RCHY1: variants seen among roughly 807,000 people sequenced by gnomAD.
RCHY1 encodes ring finger and CHY zinc finger domain containing 1.
A neutral mutation model predicts 41.6 loss-of-function variants in RCHY1; 21 were observed. The ratio of observed to expected loss-of-function variants is 0.51; its 90% CI spans 0.36 to 0.73. The LOEUF is 0.73. RCHY1 is among the 30% of genes least tolerant of loss of function. The pLI is 0.00. For missense variants in RCHY1, 265 were observed against 325.3 expected (o/e 0.81, Z 1.43); for synonymous variants, 79 against 102.9 (o/e 0.77, Z 1.41).
chr4:75,485,131 A>T (rs1721876539), intron 8 of RCHY1, among the ~76,000 whole-genome samples: 1 of 152,218 alleles, frequency 6.6e-6, no homozygotes, highest in Admixed American at 6.5e-5. Flanking sequence ...GCCCTTAGGT[A>T]AAGCTGACTT....
chr4:75,504,162 T>C (rs1209183759), intron 3 of RCHY1, among the ~76,000 whole-genome samples: 1 of 152,158 alleles, frequency 6.6e-6, no homozygotes, highest in Non-Finnish European at 1.5e-5. Context: ...CCAGAAGTAA[T>C]TACAAGCTAG....
chr4:75,497,860 C>T (rs1210980774), intron 3 of RCHY1, among the ~76,000 whole-genome samples: 1 of 151,202 alleles, frequency 6.6e-6, no homozygotes, highest in African/African-American at 2.4e-5. Context: ...ATCTAATTAT[C>T]AAAACCAGAG....
intron 1 of RCHY1, among the ~76,000 whole-genome samples, chr4:75,510,296 C>T (rs959677389): frequency 6.6e-6 from 1 of 152,194 alleles, no homozygotes; most frequent in Admixed American, 6.5e-5. Flanking sequence ...CACCAACCTG[C>T]ATCACTCGCC....
rs1159387806 is a variant in RCHY1 at position 75,487,444 on chromosome 4, AATAT to A, written c.657+3133_657+3136del. 2.4e-4 allele frequency among the ~76,000 whole-genome samples: 33 copies of A among 139,720 alleles called. 1 individual carries two copies. The East Asian group carries it at 6.3e-3, about 27-fold the overall frequency. The allele number at this position is 139,720 out of a possible 152,430, so 91.7% of individuals were successfully genotyped here. Reference sequence around the variant, plus strand: ...TTGGCTATATAAATGACTATATATAAATATATATATAGTCATATATATATTCACA... The same window carrying A: ...TTGGCTATATAAATGACTATATATAAATATATAGTCATATATATATTCACA... On this transcript the variant is annotated intron_variant, in intron 8 of 8. Transcript: ENST00000324439.
intron 7 of RCHY1, chr4:75,491,393 G>T: frequency 2.5e-6 from 1 of 406,842 alleles, no homozygotes. Context: ...TCAAATTGTG[G>T]GAGGAGACAA....
At chr4:75,504,304 C>G (rs10026125) in intron 3 of RCHY1, among the ~76,000 whole-genome samples, 45,646 of 151,954 alleles carry the variant, frequency 0.3, 7,265 homozygotes, top group Non-Finnish European at 0.34. Flanking sequence ...GTACACAGGT[C>G]TACTTATAAG....
chr4:75,501,419 T>A (rs577123565), intron 3 of RCHY1, among the ~76,000 whole-genome samples: 1 of 152,256 alleles, frequency 6.6e-6, no homozygotes, highest in Non-Finnish European at 1.5e-5. Context: ...CAATATCTTT[T>A]GGCAGATTTT....
At chr4:75,487,892 C>CATA (rs1479975636) in intron 8 of RCHY1, among the ~76,000 whole-genome samples, 27 of 72,990 alleles carry the variant, frequency 3.7e-4, no homozygotes, top group African/African-American at 1.5e-3. Context: ...TATATATATT[C>CATA]ATATATATAT....
chr4:75,501,985 G>C (rs1723812741), intron 3 of RCHY1, among the ~76,000 whole-genome samples: 1 of 151,870 alleles, frequency 6.6e-6, no homozygotes, highest in Admixed American at 6.6e-5. Context: ...GGCTGAGGCA[G>C]GACTTGAACC....
Position 75,479,704 on chromosome 4 carries a change from G to GT in RCHY1, c.*2833dup, listed in dbSNP as rs1174626147. On this transcript the variant is annotated 3_prime_UTR_variant, in exon 9 of 9. Coordinates refer to ENST00000324439, the MANE Select transcript of RCHY1 (RefSeq NM_015436.4). Reference sequence around the variant, plus strand: ...TGAGATGCTATGCACCAAAAAATTCGTAAGGGTATTGTTATTTTACTTTTT... The same window carrying GT: ...TGAGATGCTATGCACCAAAAAATTCGTTAAGGGTATTGTTATTTTACTTTTT... 2 of 151,886 alleles carry GT rather than the reference G, an allele frequency of 1.3e-5. No homozygotes were observed. The highest frequency in any genetic ancestry group is 2.9e-5 in the Non-Finnish European group (2 of 67,944). The allele number at this position is 151,886 out of a possible 1,614,324, so 9.4% of individuals were successfully genotyped here.
chr4:75,505,057 T>A (rs550356163), intron 3 of RCHY1, among the ~76,000 whole-genome samples: 1 of 152,264 alleles, frequency 6.6e-6, no homozygotes, highest in East Asian at 1.9e-4. Flanking sequence ...GGAAGACAAT[T>A]TTTCCATGGA....
At chr4:75,493,634 A>G (rs1488296082) in intron 4 of RCHY1, among the ~76,000 whole-genome samples, 1 of 151,402 alleles carries the variant, frequency 6.6e-6, no homozygotes, top group African/African-American at 2.4e-5. Flanking sequence ...ACTTTATTAG[A>G]TTTTTTTTTA....
chr4:75,492,717 C>CA (rs1396042726), intron 4 of RCHY1, among the ~76,000 whole-genome samples: 3 of 151,562 alleles, frequency 2.0e-5, no homozygotes, highest in Non-Finnish European at 3.0e-5. Context: ...AAAACCATAA[C>CA]AAAAAAATAG....
At position 75,491,899 on chromosome 4, in the gene RCHY1, A is replaced by G; in HGVS notation, c.440T>C (p.Ile147Thr). The G allele has an allele frequency of 6.2e-7, 1 of 1,609,152 alleles. No individual in the cohort carries two copies. The highest frequency in any genetic ancestry group is 8.5e-7 in the Non-Finnish European group (1 of 1,177,992). ...IENVSRQNCPICLEDIHTSRV... is the reference protein window; with the variant it reads ...IENVSRQNCPTCLEDIHTSRV... ...ATATTTTAAGCCTACCTCCAAACAT[A>G]TTGGACAATTCTGTCGGGACACATT... The change falls in exon 5 of 9, where the codon ATA becomes ACA. Residue 147 changes from isoleucine (I) to threonine (T), a missense_variant. By Grantham distance (89) the Ile-to-Thr change is moderately conservative. Coordinates refer to ENST00000324439, the MANE Select transcript of RCHY1 (RefSeq NM_015436.4).
chr4:75,494,416 AAC>A (rs1723002508), intron 3 of RCHY1: 6 of 404,152 alleles, frequency 1.5e-5, no homozygotes, highest in Non-Finnish European at 4.4e-6. Context: ...AAAAGAGAGA[AAC>A]ACAGACACAC....
At chr4:75,486,200 G>A (rs1721985724) in intron 8 of RCHY1, among the ~76,000 whole-genome samples, 1 of 152,116 alleles carries the variant, frequency 6.6e-6, no homozygotes, top group African/African-American at 2.4e-5. Flanking sequence ...GACAGGCTCT[G>A]CCCTTCATAG....
At chr4:75,484,843 G>A (rs1721848730) in intron 8 of RCHY1, among the ~76,000 whole-genome samples, 1 of 151,962 alleles carries the variant, frequency 6.6e-6, no homozygotes, top group Non-Finnish European at 1.5e-5. Context: ...AAGTGCATTT[G>A]ATGATGGCCA....
chr4:75,487,680 A>AAT (rs1206473140), intron 8 of RCHY1, among the ~76,000 whole-genome samples: 1 of 42,690 alleles, frequency 2.3e-5, no homozygotes, highest in Admixed American at 3.0e-4. Flanking sequence ...ATATATTCAT[A>AAT]ATATATATAT....
chr4:75,482,716 G>A (rs1459899329), intron 8 of RCHY1, 50 bp from the exon 9 acceptor site: 2 of 1,371,782 alleles, frequency 1.5e-6, no homozygotes, highest in South Asian at 1.3e-5. Context: ...ATAAATACAA[G>A]TAGCATTGTC....
Sources: gnomAD v4.1 joint callset for allele counts (sites outside exome capture counted in the v4.1 genomes callset) on GRCh38, gnomAD v4.1.1 for gene constraint, MANE v1.5 for transcripts, NCBI Gene and HGNC (gene_info 2026-07-23, HGNC 2026-07-21) for gene names.